Variants in SEMA3A observed in about 807,000 individuals in gnomAD.
The protein encoded by SEMA3A is semaphorin-3A.
Under a neutral mutation model 97.9 loss-of-function variants are expected in SEMA3A, and 29 were observed. That is an observed-to-expected ratio of 0.30 (90% CI 0.22 to 0.40). The LOEUF is 0.40. SEMA3A is among the 10% of genes least tolerant of loss of function. The pLI, the probability that SEMA3A is intolerant of heterozygous loss-of-function variation, is 1.00. For missense variants in SEMA3A, 763 were observed against 951.3 expected (o/e 0.80, Z 2.60); for synonymous variants, 321 against 323.7 (o/e 0.99, Z 0.09).
intron 12 of SEMA3A, among the ~76,000 whole-genome samples, chr7:83,987,126 A>C (rs1789668164): frequency 6.7e-6 from 1 of 149,960 alleles, no homozygotes; most frequent in Non-Finnish European, 1.5e-5. Flanking sequence ...CTTAATAATA[A>C]ATTTTATATA....
intron 1 of SEMA3A, among the ~76,000 whole-genome samples, chr7:84,135,303 G>T (rs2116046707): frequency 6.6e-6 from 1 of 151,900 alleles, no homozygotes; most frequent in South Asian, 2.1e-4. Context: ...TAGAGATGGG[G>T]TTTCTCCATG....
chr7:84,111,883 T>C (rs1373482205), intron 3 of SEMA3A, among the ~76,000 whole-genome samples: 2 of 152,196 alleles, frequency 1.3e-5, no homozygotes, highest in African/African-American at 4.8e-5. Flanking sequence ...ATCTCATCCA[T>C]GTTTCACTTA....
chr7:84,114,722 C>G (rs956989260), intron 3 of SEMA3A, among the ~76,000 whole-genome samples: 1 of 151,634 alleles, frequency 6.6e-6, no homozygotes, highest in African/African-American at 2.4e-5. Context: ...TCACTTTATC[C>G]CTTCCTCTAT....
At chr7:83,979,198 A>C (rs1204561409) in intron 14 of SEMA3A, among the ~76,000 whole-genome samples, 1 of 151,304 alleles carries the variant, frequency 6.6e-6, no homozygotes, top group African/African-American at 2.4e-5. Flanking sequence ...CAGCGATGCA[A>C]TCTCAGCTCA....
At chr7:84,403,395 T>C (rs1803964053) in intron 1 of SEMA3A, among the ~76,000 whole-genome samples, 1 of 152,102 alleles carries the variant, frequency 6.6e-6, no homozygotes, top group Non-Finnish European at 1.5e-5. Flanking sequence ...ACAAAGCGGC[T>C]GGGAAGCTTG....
intron 5 of SEMA3A, among the ~76,000 whole-genome samples, chr7:84,047,399 A>T (rs1019489606): frequency 6.6e-6 from 1 of 152,056 alleles, no homozygotes; most frequent in African/African-American, 2.4e-5. Flanking sequence ...AATGTAAATA[A>T]TGTTATCCTT....
At chr7:84,335,525 T>C (rs1802015785) in intron 2 of SEMA3A, among the ~76,000 whole-genome samples, 1 of 152,114 alleles carries the variant, frequency 6.6e-6, no homozygotes, top group South Asian at 2.1e-4. Context: ...ACACACACAA[T>C]ATGTTTAGTT....
At chr7:84,433,068 CTT>C (rs1491132077) in intron 1 of SEMA3A, among the ~76,000 whole-genome samples, 1 of 151,052 alleles carries the variant, frequency 6.6e-6, no homozygotes, top group African/African-American at 2.4e-5. Context: ...TGTTATTTGA[CTT>C]TATTATTATT....
intron 2 of SEMA3A, among the ~76,000 whole-genome samples, chr7:84,364,949 C>T (rs182205035): frequency 1.3e-5 from 2 of 151,314 alleles, no homozygotes; most frequent in Non-Finnish European, 3.0e-5. Flanking sequence ...AATAAAGGTA[C>T]AATTCTTGAT....
In SEMA3A at chr7:84,424,596, ATAAATAT is replaced by A. The variant is rs1362241637; in HGVS notation, c.-245-52703_-245-52697del. ...TATTAATATATATTATATATAATAT[ATAAATAT>A]TAATATATAATATAATATATAATAT... On this transcript the variant is annotated intron_variant, in intron 1 of 3. Coordinates refer to the SEMA3A transcript ENST00000424555. Among the ~76,000 whole-genome samples, 176 of 73,024 alleles carry A rather than the reference ATAAATAT, an allele frequency of 2.4e-3. 2 individuals are homozygous for A. The highest frequency in any genetic ancestry group is 0.013 in the African/African-American group (161 of 12,382). 47.9% of individuals were successfully genotyped at this position (73,024 alleles called of 152,430 possible).
intron 3 of SEMA3A, among the ~76,000 whole-genome samples, chr7:84,210,487 G>T (rs1562854023): frequency 6.6e-6 from 1 of 151,956 alleles, no homozygotes; most frequent in Non-Finnish European, 1.5e-5. Flanking sequence ...CATTAACAGG[G>T]TATAAATTGC....
At chr7:84,301,709 G>C (rs1801020736) in intron 3 of SEMA3A, among the ~76,000 whole-genome samples, 1 of 152,120 alleles carries the variant, frequency 6.6e-6, no homozygotes, top group Admixed American at 6.6e-5. Flanking sequence ...AAAGCAGCTT[G>C]TTCATAAACG....
intron 1 of SEMA3A, among the ~76,000 whole-genome samples, chr7:84,453,374 C>T (rs377644789): frequency 1.2e-4 from 18 of 151,718 alleles, no homozygotes; most frequent in African/African-American, 4.1e-4. Flanking sequence ...GTAGCTGGGA[C>T]TACAGGCGCC....
intron 1 of SEMA3A, among the ~76,000 whole-genome samples, chr7:84,473,141 G>GGTGTGTGTGTGT (rs61623414): frequency 0.042 from 5,896 of 141,400 alleles, 362 homozygotes; most frequent in East Asian, 0.25. Context: ...AAAAAGAAAT[G>GGTGTGTGTGTGT]GTGTGTGTGT....
chr7:84,028,866 G>T (rs1187892823), intron 6 of SEMA3A, among the ~76,000 whole-genome samples: 1 of 152,030 alleles, frequency 6.6e-6, no homozygotes, highest in Non-Finnish European at 1.5e-5. Flanking sequence ...TGATCTGCCC[G>T]CCTCGGCCTC....
At chr7:84,254,486 C>A (rs1463766143) in intron 3 of SEMA3A, among the ~76,000 whole-genome samples, 2 of 152,008 alleles carry the variant, frequency 1.3e-5, no homozygotes, top group East Asian at 3.9e-4. Context: ...CGTGTTTGTA[C>A]CCGAGTTGAT....
chr7:83,982,909 C>A (rs1004610118), intron 13 of SEMA3A, among the ~76,000 whole-genome samples: 1 of 151,888 alleles, frequency 6.6e-6, no homozygotes, highest in African/African-American at 2.4e-5. Context: ...CACCAACTAA[C>A]TTATACCTTA....
intron 3 of SEMA3A, among the ~76,000 whole-genome samples, chr7:84,265,814 A>G (rs1799982482): frequency 6.6e-6 from 1 of 151,854 alleles, no homozygotes; most frequent in South Asian, 2.1e-4. Context: ...CTGTGAGCAA[A>G]CAGTTTTGCT....
At chr7:84,370,000 G>T (rs528226876) in intron 2 of SEMA3A, among the ~76,000 whole-genome samples, 25 of 151,278 alleles carry the variant, frequency 1.7e-4, no homozygotes, top group Non-Finnish European at 3.3e-4. Context: ...AAAGGAAGCT[G>T]CAAAAACAAA....
Sources: gnomAD v4.1 joint callset for allele counts (sites outside exome capture counted in the v4.1 genomes callset) on GRCh38, gnomAD v4.1.1 for gene constraint, MANE v1.5 for transcripts, NCBI Gene and HGNC (gene_info 2026-07-23, HGNC 2026-07-21) for gene names.